The following VGLL3 variants were observed in gnomAD, a reference collection of about 807,000 sequenced individuals.
VGLL3 encodes the protein transcription cofactor vestigial-like protein 3.
In VGLL3, 18 loss-of-function variants were observed where a neutral mutation model predicts 29.2. The ratio of observed to expected loss-of-function variants is 0.62; its 90% CI spans 0.43 to 0.91. The LOEUF (loss-of-function observed/expected upper bound fraction) is 0.91, where lower values mean the gene tolerates loss of function less well. VGLL3 is among the 40% of genes least tolerant of loss of function. The pLI, the probability that VGLL3 is intolerant of heterozygous loss-of-function variation, is 0.00. For missense variants in VGLL3, 440 were observed against 413.2 expected, an observed-to-expected ratio of 1.06 and a Z score of -0.56; for synonymous variants, 180 against 151.8, an observed-to-expected ratio of 1.19 and a Z score of -1.36.
At chr3:86,958,872 C>T (rs1466570758) in intron 3 of VGLL3, among the ~76,000 whole-genome samples, 2 of 152,114 alleles carry the variant, frequency 1.3e-5, no homozygotes, top group South Asian at 2.1e-4. Context: ...TTTAACATAA[C>T]TCTGATGTTT....
At chr3:86,950,599 C>T (rs1704596207) in intron 3 of VGLL3, among the ~76,000 whole-genome samples, 2 of 152,158 alleles carry the variant, frequency 1.3e-5, no homozygotes, top group South Asian at 2.1e-4. Flanking sequence ...TGCTTAGAAA[C>T]ACCCTGATTT....
At chr3:86,965,601 G>A (rs542058554) in intron 3 of VGLL3, among the ~76,000 whole-genome samples, 39 of 152,234 alleles carry the variant, frequency 2.6e-4, no homozygotes, top group African/African-American at 8.9e-4. Context: ...CTCCCTTTAG[G>A]ACCGAGGCAT....
At chr3:86,955,757 A>G (rs1704708876) in intron 3 of VGLL3, among the ~76,000 whole-genome samples, 1 of 152,184 alleles carries the variant, frequency 6.6e-6, no homozygotes, top group Non-Finnish European at 1.5e-5. Context: ...AGACTGTCCA[A>G]TTCAAGTAAA....
chr3:86,947,085 G>A lies in VGLL3; in HGVS notation c.938-18C>T, dbSNP rs752146483. The A allele has an allele frequency of 1.3e-6, 1 of 779,840 alleles. No homozygotes were observed. The highest frequency in any genetic ancestry group is 2.4e-6 in the Non-Finnish European group (1 of 417,480). 48.3% of individuals were successfully genotyped at this position (779,840 alleles called of 1,614,324 possible). On this transcript the variant is annotated intron_variant, in intron 3 of 3. Transcript: ENST00000398399. ...CTGTAGACCTGGAACAAATGACAAT[G>A]GGGAAAAAATAAAGAACATTAATAC...
Position 86,988,555 on chromosome 3 carries a change from C to T in VGLL3, c.126+2063G>A, listed in dbSNP as rs372491778. 1.7e-4 allele frequency among the ~76,000 whole-genome samples: 24 copies of T among 144,626 alleles called. No homozygotes were observed. In the East Asian group the frequency reaches 3.3e-3, roughly 20 times the overall value. The allele number at this position is 144,626 out of a possible 152,430, so 94.9% of individuals were successfully genotyped here. On this transcript the variant is annotated intron_variant, in intron 1 of 3. Transcript: ENST00000398399. ...GTAGGTCATCAAAATAAACTTCTGA[C>T]ACTAAAAGAACAGTAGTTACACTGT...
At chr3:86,987,706 T>A (rs1329787370) in intron 1 of VGLL3, among the ~76,000 whole-genome samples, 2 of 152,182 alleles carry the variant, frequency 1.3e-5, no homozygotes, top group Non-Finnish European at 2.9e-5. Context: ...TTCTAGTAAT[T>A]AATGTCAGGG....
chr3:86,947,122 A>G, intron 3 of VGLL3, 55 bp from the exon 4 acceptor site: 1 of 778,220 alleles, frequency 1.3e-6, no homozygotes, highest in Non-Finnish European at 2.4e-6. Flanking sequence ...TATGGTACCA[A>G]AAATAAGCAT....
At chr3:86,951,281 A>G (rs1304155094) in intron 3 of VGLL3, among the ~76,000 whole-genome samples, 2 of 152,222 alleles carry the variant, frequency 1.3e-5, no homozygotes, top group Admixed American at 1.3e-4. Flanking sequence ...ATAGCTTATC[A>G]ATAACCAAAT....
chr3:86,971,263 G>A (rs751613533), intron 2 of VGLL3, among the ~76,000 whole-genome samples: 3 of 152,012 alleles, frequency 2.0e-5, no homozygotes, highest in Non-Finnish European at 2.9e-5. Flanking sequence ...AACATAATTC[G>A]GCATTACTGT....
intron 3 of VGLL3, among the ~76,000 whole-genome samples, chr3:86,951,523 GTAGTGATTCAGATCA>G (rs1292042599): frequency 5.3e-5 from 8 of 152,296 alleles, no homozygotes; most frequent in Admixed American, 5.2e-4. Context: ...TGGGAGAGAT[GTAGTGATTCAGATCA>G]TAGCACTGAC....
At chr3:86,947,516 G>A (rs1303581205) in intron 3 of VGLL3, among the ~76,000 whole-genome samples, 1 of 152,062 alleles carries the variant, frequency 6.6e-6, no homozygotes, top group Non-Finnish European at 1.5e-5. Context: ...AAATTCTGTT[G>A]TTATTTTGAA....
At chr3:86,982,793 G>GT (rs1337291148) in intron 1 of VGLL3, among the ~76,000 whole-genome samples, 3 of 152,116 alleles carry the variant, frequency 2.0e-5, no homozygotes, top group African/African-American at 7.2e-5. Context: ...ACAAGTTGTT[G>GT]TTTTTCTTAA....
At chr3:86,972,742 G>A (rs1327929774) in intron 2 of VGLL3, among the ~76,000 whole-genome samples, 1 of 152,072 alleles carries the variant, frequency 6.6e-6, no homozygotes, top group Non-Finnish European at 1.5e-5. Flanking sequence ...GGTGAGTTTG[G>A]ATTCAATATT....
chr3:86,956,293 C>T (rs530232260), intron 3 of VGLL3, among the ~76,000 whole-genome samples: 23 of 152,336 alleles, frequency 1.5e-4, no homozygotes, highest in African/African-American at 5.3e-4. Context: ...TGCTTTGTGT[C>T]GTTCTCTATT....
chr3:86,958,796 G>T (rs1410861582), intron 3 of VGLL3, among the ~76,000 whole-genome samples: 1 of 152,082 alleles, frequency 6.6e-6, no homozygotes, highest in Non-Finnish European at 1.5e-5. Context: ...TACCCTTCTG[G>T]TCATGAAATT....
intron 1 of VGLL3, chr3:86,990,273 T>C (rs1490956797): frequency 2.0e-6 from 2 of 976,474 alleles, no homozygotes; most frequent in East Asian, 1.1e-4. Context: ...ATAAACAAAA[T>C]AGTTGGTTGA....
At chr3:86,969,285 G>T (rs973407318) in intron 2 of VGLL3, among the ~76,000 whole-genome samples, 162 bp from the exon 3 acceptor site, 1 of 152,166 alleles carries the variant, frequency 6.6e-6, no homozygotes, top group East Asian at 1.9e-4. Context: ...TACCAGGTTG[G>T]CCTCTGGGCT....
At position 86,938,355 on chromosome 3, in the gene VGLL3, T is replaced by C. The variant is rs963172750; in HGVS notation, c.*8669A>G. 1.3e-5 allele frequency: 2 copies of C among 152,608 alleles called. No homozygotes were observed. Among genetic ancestry groups the C allele is most frequent in the East Asian group, 3.8e-4 (2 of 5,202 alleles). 9.5% of individuals were successfully genotyped at this position (152,608 alleles called of 1,614,324 possible). The stretch of plus-strand genomic sequence containing the variant: ...ACATAAAATACCACAAAACCATACA[T>C]AGCTCATTTGAAAAAGATTCTTAAG... On this transcript the variant is annotated 3_prime_UTR_variant, in exon 4 of 4. Transcript: ENST00000398399.
At chr3:86,959,440 T>C (rs905197850) in intron 3 of VGLL3, among the ~76,000 whole-genome samples, 1 of 152,132 alleles carries the variant, frequency 6.6e-6, no homozygotes, top group African/African-American at 2.4e-5. Flanking sequence ...AGAAGTGAAG[T>C]AGAAGGAAGT....
Sources: gnomAD v4.1 joint callset for allele counts (sites outside exome capture counted in the v4.1 genomes callset) on GRCh38, gnomAD v4.1.1 for gene constraint, MANE v1.5 for transcripts, NCBI Gene and HGNC (gene_info 2026-07-23, HGNC 2026-07-21) for gene names.